The following DSCAML1 variants were observed in gnomAD, a reference collection of about 807,000 sequenced individuals.
DSCAML1 encodes the protein DS cell adhesion molecule like 1, also known as cell adhesion molecule DSCAML1.
DSCAML1 carries 38 observed loss-of-function variants against 200.5 expected under a neutral mutation model. That is an observed-to-expected ratio of 0.19 (90% CI 0.15 to 0.25). The LOEUF is 0.25. Ranked by LOEUF, DSCAML1 falls within the 10% of genes least tolerant of loss-of-function variation. The pLI is 1.00. For missense variants in DSCAML1, 2,223 were observed against 2,858.8 expected (o/e 0.78, Z 5.07); for synonymous variants, 1,215 against 1,165.0 (o/e 1.04, Z -0.87).
At chr11:117,701,135 G>A (rs917778663) in intron 3 of DSCAML1, among the ~76,000 whole-genome samples, 6 of 152,010 alleles carry the variant, frequency 3.9e-5, no homozygotes, top group Admixed American at 1.3e-4. Flanking sequence ...GCATGGTGGC[G>A]TGCACCTGTA....
chr11:117,707,539 T>C (rs1362127960), intron 3 of DSCAML1, among the ~76,000 whole-genome samples: 1 of 152,096 alleles, frequency 6.6e-6, no homozygotes, highest in Non-Finnish European at 1.5e-5. Context: ...TTTATTCTTT[T>C]TTTTTTATTT....
chr11:117,756,640 T>G (rs992087089), intron 3 of DSCAML1, among the ~76,000 whole-genome samples: 2 of 151,836 alleles, frequency 1.3e-5, no homozygotes, highest in African/African-American at 2.4e-5. Context: ...ATTTTAGACA[T>G]GAGAAAGTTG....
intron 3 of DSCAML1, among the ~76,000 whole-genome samples, chr11:117,752,184 T>G (rs1188831223): frequency 1.3e-5 from 2 of 152,158 alleles, no homozygotes; most frequent in African/African-American, 2.4e-5. Flanking sequence ...AGGAGGCCTC[T>G]TGCACGGAAG....
chr11:117,652,994 T>C (rs898329360), intron 3 of DSCAML1, among the ~76,000 whole-genome samples: 1 of 152,220 alleles, frequency 6.6e-6, no homozygotes, highest in African/African-American at 2.4e-5. Flanking sequence ...GGGTCTAAGA[T>C]CCAGTCTTAC....
intron 3 of DSCAML1, among the ~76,000 whole-genome samples, chr11:117,695,311 T>C (rs570504152): frequency 6.8e-6 from 1 of 146,068 alleles, no homozygotes; most frequent in African/African-American, 2.7e-5. Flanking sequence ...CTTTCTTTCT[T>C]TTTCTTTTTT....
intron 20 of DSCAML1, among the ~76,000 whole-genome samples, chr11:117,445,765 C>T (rs1474156530): frequency 1.3e-5 from 2 of 152,184 alleles, no homozygotes; most frequent in East Asian, 1.9e-4. Context: ...TTTGTGCCTA[C>T]ACAGGCAGGG....
chr11:117,742,266 G>A (rs906276023), intron 3 of DSCAML1, among the ~76,000 whole-genome samples: 7 of 152,124 alleles, frequency 4.6e-5, no homozygotes, highest in East Asian at 3.9e-4. Flanking sequence ...GACTGTAGAC[G>A]GTGCTACCTT....
At chr11:117,762,148 G>A (rs2054815155) in intron 3 of DSCAML1, among the ~76,000 whole-genome samples, 1 of 152,152 alleles carries the variant, frequency 6.6e-6, no homozygotes, top group Non-Finnish European at 1.5e-5. Flanking sequence ...ACATAGTGAT[G>A]ACACCACCTG....
intron 21 of DSCAML1, among the ~76,000 whole-genome samples, chr11:117,442,767 G>A (rs2048094567): frequency 6.6e-6 from 1 of 152,172 alleles, no homozygotes; most frequent in Admixed American, 6.5e-5. Context: ...CTGAAGAAGA[G>A]GTTGGTGGTA....
At chr11:117,472,084 A>G in intron 14 of DSCAML1, 48 bp from the exon 15 acceptor site, 1 of 1,602,226 alleles carries the variant, frequency 6.2e-7, no homozygotes, top group Non-Finnish European at 8.5e-7. Context: ...AAACTCCAGG[A>G]CCCCTTCCCA....
At chr11:117,696,390 T>C (rs1416132948) in intron 3 of DSCAML1, among the ~76,000 whole-genome samples, 1 of 152,116 alleles carries the variant, frequency 6.6e-6, no homozygotes, top group African/African-American at 2.4e-5. Flanking sequence ...GAAGTGGGGA[T>C]TGAAGAAAAG....
intron 3 of DSCAML1, among the ~76,000 whole-genome samples, chr11:117,748,106 C>A (rs2054546263): frequency 6.6e-6 from 1 of 152,178 alleles, no homozygotes; most frequent in Non-Finnish European, 1.5e-5. Flanking sequence ...CCTCTCTGAG[C>A]TTATTGCCTC....
At chr11:117,663,174 A>G (rs2052897182) in intron 3 of DSCAML1, among the ~76,000 whole-genome samples, 1 of 152,196 alleles carries the variant, frequency 6.6e-6, no homozygotes, top group Admixed American at 6.5e-5. Flanking sequence ...CCGAAAAGCC[A>G]GCCTTCGATA....
intron 3 of DSCAML1, among the ~76,000 whole-genome samples, chr11:117,727,137 G>A (rs372207210): frequency 1.3e-5 from 2 of 152,274 alleles, no homozygotes; most frequent in African/African-American, 4.8e-5. Flanking sequence ...GAAGGATGGA[G>A]GTAGGGAGAG....
chr11:117,593,299 G>C (rs2051295742), intron 3 of DSCAML1, among the ~76,000 whole-genome samples: 1 of 152,150 alleles, frequency 6.6e-6, no homozygotes, highest in South Asian at 2.1e-4. Flanking sequence ...CGCCCACCCT[G>C]ACCTCTTGCA....
intron 3 of DSCAML1, among the ~76,000 whole-genome samples, chr11:117,760,072 T>C (rs1390848417): frequency 6.6e-6 from 1 of 151,958 alleles, no homozygotes; most frequent in East Asian, 1.9e-4. Context: ...CAACCTCCTA[T>C]CTCCGCACTC....
intron 11 of DSCAML1, among the ~76,000 whole-genome samples, chr11:117,491,359 C>T (rs540277): frequency 0.28 from 42,209 of 152,116 alleles, 6,270 homozygotes; most frequent in East Asian, 0.4. Flanking sequence ...ATTTTCACTT[C>T]ACAGATGGGG....
chr11:117,523,523 C>A (rs1273869482), intron 5 of DSCAML1, among the ~76,000 whole-genome samples: 1 of 152,220 alleles, frequency 6.6e-6, no homozygotes, highest in African/African-American at 2.4e-5. Flanking sequence ...TTTCTTGGGG[C>A]TCTTTCTGTT....
intron 3 of DSCAML1, among the ~76,000 whole-genome samples, chr11:117,662,922 CG>C (rs1390712862): frequency 6.6e-6 from 1 of 152,152 alleles, no homozygotes; most frequent in Non-Finnish European, 1.5e-5. Flanking sequence ...GATTGCCAGG[CG>C]GCATTTAAAT....
Sources: gnomAD v4.1 joint callset for allele counts (sites outside exome capture counted in the v4.1 genomes callset) on GRCh38, gnomAD v4.1.1 for gene constraint, MANE v1.5 for transcripts, NCBI Gene and HGNC (gene_info 2026-07-23, HGNC 2026-07-21) for gene names.